ZNF827: variants seen among roughly 807,000 people sequenced by gnomAD.
ZNF827 encodes zinc finger protein 827.
ZNF827 carries 13 observed loss-of-function variants against 102.4 expected under a neutral mutation model. That is an observed-to-expected ratio of 0.13 (90% CI 0.08 to 0.20). The LOEUF is 0.20. Among genes scored for constraint, ZNF827 ranks in the 10% least tolerant of loss-of-function variants. The probability of loss-of-function intolerance (pLI) is 1.00; values close to 1 mark genes in which losing one functional copy is unlikely to be tolerated. For missense variants in ZNF827, 1,103 were observed against 1,344.4 expected (o/e 0.82, Z 2.81); for synonymous variants, 523 against 536.2 (o/e 0.98, Z 0.34).
chr4:145,873,217 G>A (rs1342448434), intron 4 of ZNF827, among the ~76,000 whole-genome samples: 1 of 152,152 alleles, frequency 6.6e-6, no homozygotes, highest in African/African-American at 2.4e-5. Context: ...TTATAGGCGT[G>A]AGCCGACACG....
At position 145,868,327 on chromosome 4, in the gene ZNF827, C is replaced by T. The variant is rs60142704; in HGVS notation, c.1981+1918G>A. Among the ~76,000 whole-genome samples the T allele has an allele frequency of 0.018, 2,714 of 151,686 alleles. 256 individuals carry two copies. The East Asian group carries it at 0.28, about 15-fold the overall frequency. On this transcript the variant is annotated intron_variant, in intron 5 of 14. Coordinates refer to ENST00000508784, the MANE Select transcript of ZNF827 (RefSeq NM_001306215.2). The stretch of plus-strand genomic sequence containing the variant: ...TGATGCATATCTCTTTGACCTAAGT[C>T]TTTTGCACACAGAATGCTGAGGATT...
At position 145,834,342 on chromosome 4, in the gene ZNF827, A is replaced by C. The variant is rs1411907320; in HGVS notation, c.2280-10817T>G. 4.3e-4 allele frequency among the ~76,000 whole-genome samples: 66 copies of C among 152,094 alleles called. 1 individual carries two copies. In the East Asian group the frequency reaches 0.012, roughly 28 times the overall value. ...TTTCCCTCCCGCCTGTCCCCTCAGT[A>C]TTAACCCCAAGCGTCGCTGAGTCTT... On this transcript the variant is annotated intron_variant, in intron 7 of 14. Coordinates refer to ENST00000508784, the MANE Select transcript of ZNF827 (RefSeq NM_001306215.2).
chr4:145,779,381 C>G lies in ZNF827; in HGVS notation c.2514G>C (p.Leu838=), dbSNP rs767103113. The change falls in exon 9 of 15, where the codon CTG becomes CTC. Residue 838 remains leucine (L), a synonymous_variant. Transcript: ENST00000508784. ...RQQTLSRHLS[L]HTEERKYKCH... ...CAGGCCCTACTCACTCACCTGTGTG[C>G]AGCGAGAGGTGTCGGGACAATGTCT... 3 of 1,613,928 alleles carry G rather than the reference C, an allele frequency of 1.9e-6. No individual in the cohort carries two copies. The South Asian group carries it at 3.3e-5, about 18-fold the overall frequency.
intron 7 of ZNF827, among the ~76,000 whole-genome samples, chr4:145,836,624 C>A (rs1344048654): frequency 2.6e-5 from 4 of 152,250 alleles, no homozygotes; most frequent in Admixed American, 2.6e-4. Context: ...ATTCCTGATA[C>A]CACACCTGAC....
chr4:145,878,554 AGACAAGACAG>A (rs1749354191), intron 4 of ZNF827, among the ~76,000 whole-genome samples: 1 of 144,290 alleles, frequency 6.9e-6, no homozygotes, highest in African/African-American at 2.6e-5. Context: ...AAGAAAAAAA[AGACAAGACAG>A]GACAGGACAG....
intron 5 of ZNF827, among the ~76,000 whole-genome samples, chr4:145,855,933 T>C (rs901771699): frequency 2.6e-5 from 4 of 152,170 alleles, no homozygotes; most frequent in Non-Finnish European, 1.5e-5. Context: ...TTGGCTTTTT[T>C]ACCCTACACT....
At chr4:145,769,024 G>C (rs1056942389) in intron 11 of ZNF827, among the ~76,000 whole-genome samples, 1 of 148,696 alleles carries the variant, frequency 6.7e-6, no homozygotes, top group African/African-American at 2.5e-5. Flanking sequence ...AAATTTTCTA[G>C]AGTGACCATA....
At chr4:145,834,631 C>A (rs1359739180) in intron 7 of ZNF827, among the ~76,000 whole-genome samples, 4 of 152,076 alleles carry the variant, frequency 2.6e-5, no homozygotes, top group Non-Finnish European at 5.9e-5. Context: ...TTTTCTTTAT[C>A]CCAAATCAGA....
At position 145,765,829 on chromosome 4, in the gene ZNF827, G is replaced by T; in HGVS notation, c.2861-91C>A. On this transcript the variant is annotated intron_variant, in intron 11 of 14. Transcript: ENST00000508784. This position sits in a 1 kb window ranked among gnomAD's most constrained non-coding sequence, Gnocchi z 4.7. ...GGGTGACGAGTTGAGTCTCATGGAT[G>T]CATCATCATTCTGGGGGCACAGGCT... 2 of 1,323,144 alleles carry T rather than the reference G, an allele frequency of 1.5e-6. No homozygotes were observed. Among genetic ancestry groups the T allele is most frequent in the Admixed American group, 2.2e-5 (1 of 46,146 alleles). The allele number at this position is 1,323,144 out of a possible 1,614,324, so 82.0% of individuals were successfully genotyped here.
chr4:145,938,318 G>A (rs1261541184), intron 1 of ZNF827, 47 bp downstream of exon 1: 2 of 1,611,336 alleles, frequency 1.2e-6, no homozygotes, highest in Non-Finnish European at 8.5e-7. Flanking sequence ...AGAGGAGAGG[G>A]AGGGCGAGAA....
chr4:145,823,564 A>G lies in ZNF827; in HGVS notation c.2280-39T>C, dbSNP rs752837237. On this transcript the variant is annotated intron_variant, in intron 7 of 14. Coordinates refer to ENST00000508784, the MANE Select transcript of ZNF827 (RefSeq NM_001306215.2). ...GGGGGAGTGAAGTTTAGTAAATTAAAGTTATTTAAGACACCCAGAGCACCT... is the reference window on the plus strand; with the variant it reads ...GGGGGAGTGAAGTTTAGTAAATTAAGGTTATTTAAGACACCCAGAGCACCT... The G allele has an allele frequency of 2.8e-6, 4 of 1,446,270 alleles. No homozygotes were observed. In the South Asian group the frequency reaches 4.6e-5, roughly 17 times the overall value. The allele number at this position is 1,446,270 out of a possible 1,614,324, so 89.6% of individuals were successfully genotyped here.
At chr4:145,812,451 A>C (rs1349358409) in intron 8 of ZNF827, among the ~76,000 whole-genome samples, 1 of 151,958 alleles carries the variant, frequency 6.6e-6, no homozygotes, top group Admixed American at 6.6e-5. Context: ...AGGTGAAAAA[A>C]CGAATATAGC....
At chr4:145,833,569 C>A (rs1230011832) in intron 7 of ZNF827, among the ~76,000 whole-genome samples, 1 of 150,284 alleles carries the variant, frequency 6.7e-6, no homozygotes, top group African/African-American at 2.5e-5. Context: ...CACTCAACCC[C>A]TTCTCCTTCA....
At chr4:145,924,600 C>T (rs11930385) in intron 1 of ZNF827, among the ~76,000 whole-genome samples, 77,924 of 151,950 alleles carry the variant, frequency 0.51, 21,512 homozygotes, top group South Asian at 0.71. Flanking sequence ...TCACATCCAC[C>T]GCCATCCACC....
At chr4:145,774,790 T>A in intron 10 of ZNF827, 118 bp from the exon 11 acceptor site, 1 of 1,159,552 alleles carries the variant, frequency 8.6e-7, no homozygotes, top group South Asian at 1.6e-5. Context: ...AACACATTTG[T>A]CTCTCCACCA....
Position 145,761,460 on chromosome 4 carries a change from C to T in ZNF827, c.*156G>A. On this transcript the variant is annotated 3_prime_UTR_variant, in exon 15 of 15. Coordinates refer to ENST00000508784, the MANE Select transcript of ZNF827 (RefSeq NM_001306215.2). This position sits in a 1 kb window ranked among gnomAD's most constrained non-coding sequence, Gnocchi z 6.8. ...TGTAGTGGTTGCCCAGGCGGTGCTC[C>T]CGGGTGTGCGTCTCCAGCTCCAGCT... 1.6e-6 allele frequency: 2 copies of T among 1,289,850 alleles called. No homozygotes were observed. The highest frequency in any genetic ancestry group is 1.5e-5 in the African/African-American group (1 of 65,984). 79.9% of individuals were successfully genotyped at this position (1,289,850 alleles called of 1,614,324 possible).
intron 3 of ZNF827, among the ~76,000 whole-genome samples, chr4:145,889,014 T>C (rs1210793044): frequency 3.9e-5 from 6 of 152,188 alleles, no homozygotes; most frequent in Admixed American, 1.3e-4. Flanking sequence ...ACAAAGAAAG[T>C]AGAATCCCAT....
chr4:145,903,350 A>C (rs1751583588), intron 1 of ZNF827, 135 bp from the exon 2 acceptor site: 2 of 1,431,532 alleles, frequency 1.4e-6, no homozygotes, highest in Admixed American at 5.6e-5. Flanking sequence ...CAACAGCCTT[A>C]ACAGAATGTC....
chr4:145,919,455 G>C (rs1752907531), intron 1 of ZNF827, among the ~76,000 whole-genome samples: 1 of 152,192 alleles, frequency 6.6e-6, no homozygotes, highest in East Asian at 1.9e-4. Context: ...TTAGAGCACT[G>C]GGAAAAGCAG....
Sources: gnomAD v4.1 joint callset for allele counts (sites outside exome capture counted in the v4.1 genomes callset) on GRCh38, gnomAD v4.1.1 for gene constraint, Gnocchi (gnomAD v3.1) non-coding constraint, MANE v1.5 for transcripts, NCBI Gene and HGNC (gene_info 2026-07-23, HGNC 2026-07-21) for gene names.